The following ALDH3A1 variants were observed in gnomAD, a reference collection of about 807,000 sequenced individuals.
ALDH3A1 encodes the protein aldehyde dehydrogenase, dimeric NADP-preferring.
In ALDH3A1, 46 loss-of-function variants were observed where a neutral mutation model predicts 49.9. The observed-to-expected ratio is 0.92, with a 90% confidence interval of 0.73 to 1.18. The LOEUF is 1.18. Ranked by LOEUF, ALDH3A1 falls within the 50% of genes most tolerant of loss-of-function variation. The probability of loss-of-function intolerance (pLI) is 0.00; values close to 1 mark genes in which losing one functional copy is unlikely to be tolerated. For synonymous variants in ALDH3A1, 269 were observed against 253.3 expected (o/e 1.06, Z -0.59); for missense variants, 592 against 611.8 (o/e 0.97, Z 0.34).
At chr17:19,742,491 GC>G in intron 4 of ALDH3A1, 53 bp downstream of exon 4, 1 of 1,565,274 alleles carries the variant, frequency 6.4e-7, no homozygotes, top group Non-Finnish European at 8.7e-7. Context: ...CAAAGACCTG[GC>G]CCTAGCTCAG....
At chr17:19,745,354 G>T (rs1050933415) in intron 1 of ALDH3A1, 24 of 513,116 alleles carry the variant, frequency 4.7e-5, no homozygotes, top group South Asian at 1.2e-4. Flanking sequence ...GACACCCGCC[G>T]CAACCCGAGT....
rs545990205 is a variant in ALDH3A1 at position 19,738,188 on chromosome 17, C to G, written c.*33G>C. The G allele has an allele frequency of 3.1e-6, 5 of 1,613,626 alleles. No homozygotes were observed. The highest frequency in any genetic ancestry group is 1.6e-4 in the Middle Eastern group (1 of 6,084). On this transcript the variant is annotated 3_prime_UTR_variant, in exon 11 of 11. Transcript: ENST00000225740. ...GGGTGGTCCGCACTCCGATGGGACA[C>G]AGTATGGCCAGGCCAGGCGGAGCAA... is the stretch of plus-strand genomic sequence containing the variant.
chr17:19,746,603 G>C (rs1233681654), intron 1 of ALDH3A1, among the ~76,000 whole-genome samples: 3 of 151,860 alleles, frequency 2.0e-5, no homozygotes, highest in African/African-American at 7.3e-5. Flanking sequence ...GATGTACCAG[G>C]CGTGTGCATG....
intron 2 of ALDH3A1, chr17:19,744,520 C>T (rs1000222912): frequency 2.3e-5 from 23 of 985,298 alleles, no homozygotes; most frequent in South Asian, 4.7e-5. Context: ...CAGGGGGCTG[C>T]GAATGCAGAG....
Position 19,740,331 on chromosome 17 carries a change from C to G in ALDH3A1, c.949+5G>C. ...GGTGGGCTGTGCTCTTCAGGGGTCA[C>G]GCACCTATGTAGCGAGTGGCGGCAT... On this transcript the variant is annotated splice_donor_5th_base_variant and intron_variant, in intron 7 of 10. Transcript: ENST00000225740. The G allele has an allele frequency of 6.2e-7, 1 of 1,613,632 alleles. No individual in the cohort carries two copies. Among genetic ancestry groups the G allele is most frequent in the Non-Finnish European group, 8.5e-7 (1 of 1,179,940 alleles).
intron 6 of ALDH3A1, 149 bp from the exon 7 acceptor site, chr17:19,740,626 A>G: frequency 1.1e-6 from 1 of 916,642 alleles, no homozygotes; most frequent in Non-Finnish European, 1.6e-6. Context: ...ATCTTTTCTA[A>G]ATAATCTATA....
At position 19,745,044 on chromosome 17, in the gene ALDH3A1, T is replaced by C. The variant is rs769768762; in HGVS notation, c.86A>G (p.Gln29Arg). ...GATCAGGCGCTGCAGCGCCTCCAGCTGCTGGATCCGGAACTGCAGCGGACG... is the reference window on the plus strand; with the variant it reads ...GATCAGGCGCTGCAGCGCCTCCAGCCGCTGGATCCGGAACTGCAGCGGACG... ...RTRPLQFRIQ[Q>R]LEALQRLIQE... The change falls in exon 2 of 11, where the codon CAG becomes CGG. Residue 29 changes from glutamine to arginine, a missense_variant. By Grantham distance (43) the Gln-to-Arg change is conservative. Coordinates refer to ENST00000225740, the MANE Select transcript of ALDH3A1 (RefSeq NM_000691.5). 4.4e-6 allele frequency: 7 copies of C among 1,597,438 alleles called. No homozygotes were observed. The highest frequency in any genetic ancestry group is 3.3e-5 in the South Asian group (3 of 90,850).
At chr17:19,744,394 C>T in intron 2 of ALDH3A1, 3 of 977,018 alleles carry the variant, frequency 3.1e-6, no homozygotes, top group Non-Finnish European at 3.6e-6. Context: ...CAGAGCGAGA[C>T]TCTGTCTCAA....
At chr17:19,745,362 A>C (rs2086582467) in intron 1 of ALDH3A1, 2 of 501,452 alleles carry the variant, frequency 4.0e-6, no homozygotes, top group Non-Finnish European at 6.9e-6. Flanking sequence ...CCGCAACCCG[A>C]GTCCTAAGCC....
At chr17:19,742,521 A>G (rs1022912567) in intron 4 of ALDH3A1, 24 bp downstream of exon 4, 1 of 1,605,478 alleles carries the variant, frequency 6.2e-7, no homozygotes, top group African/African-American at 1.3e-5. Flanking sequence ...CCATGGAGTT[A>G]CGAGGCCCTG....
At chr17:19,746,706 T>C (rs892562423) in intron 1 of ALDH3A1, among the ~76,000 whole-genome samples, 1 of 149,310 alleles carries the variant, frequency 6.7e-6, no homozygotes, top group Non-Finnish European at 1.5e-5. Context: ...CGTGCGTGTG[T>C]GTGCATGTGC....
At position 19,738,435 on chromosome 17, in the gene ALDH3A1, G is replaced by C; in HGVS notation, c.1235C>G (p.Ser412Cys). The C allele has an allele frequency of 6.2e-7, 1 of 1,613,200 alleles. No homozygotes were observed. Among genetic ancestry groups the C allele is most frequent in the South Asian group, 1.1e-5 (1 of 91,068 alleles). Residue 412 changes from serine to cysteine, a missense_variant, in exon 10 of 11, where the codon TCC becomes TGC. Physicochemically the swap from Ser to Cys is moderately radical, Grantham distance 112. Coordinates refer to ENST00000225740, the MANE Select transcript of ALDH3A1 (RefSeq NM_000691.5). Reference protein sequence around the residue: ...FGGVGNSGMGSYHGKKSFETF... With the variant: ...FGGVGNSGMGCYHGKKSFETF... The stretch of plus-strand genomic sequence containing the variant: ...CTCGAAGCTCTTCTTGCCATGGTAG[G>C]ATCCCATGCCGCTGTTCCCTGCGGA...
At position 19,740,399 on chromosome 17, in the gene ALDH3A1, C is replaced by G; in HGVS notation, c.886G>C (p.Gly296Arg). 6.2e-7 allele frequency: 1 copy of G among 1,614,102 alleles called. No individual in the cohort carries two copies. The highest frequency in any genetic ancestry group is 8.5e-7 in the Non-Finnish European group (1 of 1,180,024). ...ISARHFQRVMGLIEGQKVAYG... is the reference protein window; with the variant it reads ...ISARHFQRVMRLIEGQKVAYG... ...GCCACCTTCTGGCCCTCAATCAGGC[C>G]CATCACCCTCTGGAAGTGCCGGGCA... is the stretch of plus-strand genomic sequence containing the variant. Residue 296 changes from glycine to arginine, a missense_variant, in exon 7 of 11, where the codon GGC becomes CGC. By Grantham distance (125) the Gly-to-Arg change is moderately radical (BLOSUM62 -2). Transcript: ENST00000225740.
At chr17:19,746,651 GTGCA>G (rs762524841) in intron 1 of ALDH3A1, among the ~76,000 whole-genome samples, 85 of 147,102 alleles carry the variant, frequency 5.8e-4, no homozygotes, top group Admixed American at 3.8e-3. Context: ...GTGCGTGTGT[GTGCA>G]TGTGTGTGTG....
At chr17:19,740,201 G>C (rs2086464263) in intron 7 of ALDH3A1, 135 bp downstream of exon 7, 3 of 1,201,390 alleles carry the variant, frequency 2.5e-6, no homozygotes, top group Admixed American at 4.4e-5. Flanking sequence ...TCTACCGCAG[G>C]CTCCCTGGTG....
Position 19,743,841 on chromosome 17 carries a change from C to A in ALDH3A1, c.163-378G>T. On this transcript the variant is annotated intron_variant, in intron 2 of 10. Transcript: ENST00000225740. The surrounding 1 kb of genome is among the most constrained non-coding windows in gnomAD (Gnocchi z 4.4). ...TGGATCCGGGGAGGGGGGATAGATT[C>A]GGGCACTGGGAGCTGGATCCGGGCA... 1 of 982,892 alleles carries A rather than the reference C, an allele frequency of 1.0e-6. No homozygotes were observed. Among genetic ancestry groups the A allele is most frequent in the Non-Finnish European group, 1.2e-6 (1 of 828,866 alleles). The allele number at this position is 982,892 out of a possible 1,614,324, so 60.9% of individuals were successfully genotyped here. A position where few individuals can be genotyped will look rare whatever the true frequency, so the allele number is the denominator to read the frequency against.
At chr17:19,744,900 A>AAAC in intron 2 of ALDH3A1, 68 bp downstream of exon 2, 1 of 270,616 alleles carries the variant, frequency 3.7e-6, no homozygotes, top group Non-Finnish European at 5.3e-6. Context: ...CACTCTCCCC[A>AAAC]GCCCCTCCCC....
rs1231783018 is a variant in ALDH3A1 at position 19,743,707 on chromosome 17, C to T, written c.163-244G>A. On this transcript the variant is annotated intron_variant, in intron 2 of 10. Coordinates refer to ENST00000225740, the MANE Select transcript of ALDH3A1 (RefSeq NM_000691.5). This position sits in a 1 kb window ranked among gnomAD's most constrained non-coding sequence, Gnocchi z 4.4. ...AGGTTTGCGGCCCCAGGGGAGAGAG[C>T]CGGTGAAGGGACCAGGCATGGGCAA... 9 of 985,078 alleles carry T rather than the reference C, an allele frequency of 9.1e-6. No homozygotes were observed. Among genetic ancestry groups the T allele is most frequent in the Non-Finnish European group, 9.6e-6 (8 of 829,870 alleles). The allele number at this position is 985,078 out of a possible 1,614,324, so 61.0% of individuals were successfully genotyped here. A position where few individuals can be genotyped will look rare whatever the true frequency, so the allele number is the denominator to read the frequency against.
At chr17:19,738,276 T>G (rs745422678) in intron 10 of ALDH3A1, 41 bp from the exon 11 acceptor site, 1 of 1,614,006 alleles carries the variant, frequency 6.2e-7, no homozygotes, top group South Asian at 1.1e-5. Flanking sequence ...CCCCAGGCCC[T>G]GGTCCCGCAC....
Sources: gnomAD v4.1 joint callset for allele counts (sites outside exome capture counted in the v4.1 genomes callset) on GRCh38, gnomAD v4.1.1 for gene constraint, Gnocchi (gnomAD v3.1) non-coding constraint, MANE v1.5 for transcripts, NCBI Gene and HGNC (gene_info 2026-07-23, HGNC 2026-07-21) for gene names.